Variants in GALNT13 observed in about 807,000 individuals in gnomAD.
GALNT13 encodes the protein polypeptide N-acetylgalactosaminyltransferase 13.
Under a neutral mutation model 64.2 loss-of-function variants are expected in GALNT13, and 28 were observed. That is an observed-to-expected ratio of 0.44 (90% confidence interval 0.32 to 0.60). GALNT13 has a LOEUF of 0.60. GALNT13 is among the 20% of genes least tolerant of loss of function. The pLI is 0.05. For synonymous variants in GALNT13, 214 were observed against 224.6 expected, an observed-to-expected ratio of 0.95 and a Z score of 0.42; for missense variants, 577 against 669.8, an observed-to-expected ratio of 0.86 and a Z score of 1.53.
At chr2:153,179,504 T>C in the GALNT13 span, among the ~76,000 whole-genome samples, 5 of 152,194 alleles carry the variant, frequency 3.3e-5, no homozygotes, top group African/African-American at 1.2e-4. Context: ...AGCTTTCTTC[T>C]TTTTGCTTAT....
chr2:153,567,540 A>G, the GALNT13 span, among the ~76,000 whole-genome samples: 2 of 152,242 alleles, frequency 1.3e-5, no homozygotes, highest in Admixed American at 6.5e-5. Flanking sequence ...GCCATTGTCC[A>G]GAGAAATAGG....
At chr2:153,550,295 C>A in the GALNT13 span, among the ~76,000 whole-genome samples, 1 of 151,050 alleles carries the variant, frequency 6.6e-6, no homozygotes, top group African/African-American at 2.4e-5. Flanking sequence ...AGTGTAGTGG[C>A]ACCATCTCGG....
intron 1 of GALNT13, among the ~76,000 whole-genome samples, chr2:153,898,827 A>AAAGGTAAATTCTTCCTCCAGTTGCACAGC (rs1688042943): frequency 6.6e-6 from 1 of 150,786 alleles, no homozygotes; most frequent in African/African-American, 2.4e-5. Flanking sequence ...TGAGAATAAT[A>AAAGGTAAATTCTTCCTCCAGTTGCACAGC]AAGGTAAATT....
At chr2:153,753,630 G>T in the GALNT13 span, among the ~76,000 whole-genome samples, 1,262 of 152,222 alleles carry the variant, frequency 8.3e-3, 6 homozygotes, top group Non-Finnish European at 0.015. Context: ...TGACCCACCT[G>T]GGGGGTGGAA....
chr2:153,202,205 C>G, the GALNT13 span, among the ~76,000 whole-genome samples: 1 of 151,788 alleles, frequency 6.6e-6, no homozygotes, highest in Admixed American at 6.6e-5. Context: ...AGGATGGTCT[C>G]GATCTCCTGA....
At chr2:154,082,840 A>T (rs1701339316) in intron 3 of GALNT13, among the ~76,000 whole-genome samples, 1 of 151,960 alleles carries the variant, frequency 6.6e-6, no homozygotes, top group African/African-American at 2.4e-5. Context: ...GATTGCAAAA[A>T]TTTCCTCCTA....
chr2:154,052,881 C>T (rs1264643484), intron 3 of GALNT13, among the ~76,000 whole-genome samples: 1 of 151,810 alleles, frequency 6.6e-6, no homozygotes, highest in Admixed American at 6.6e-5. Flanking sequence ...GGACTACAGG[C>T]GCCCGCCACC....
the GALNT13 span, among the ~76,000 whole-genome samples, chr2:153,828,054 A>G: frequency 6.6e-6 from 1 of 152,348 alleles, no homozygotes; most frequent in African/African-American, 2.4e-5. Flanking sequence ...CTGATGCAAG[A>G]GGCAGGTTCC....
chr2:153,767,223 A>G, the GALNT13 span, among the ~76,000 whole-genome samples: 6 of 152,058 alleles, frequency 3.9e-5, no homozygotes, highest in South Asian at 6.2e-4. Flanking sequence ...CTGTTTCTGC[A>G]TTATTTTGCT....
chr2:153,213,471 A>G, the GALNT13 span, among the ~76,000 whole-genome samples: 3 of 152,236 alleles, frequency 2.0e-5, no homozygotes, highest in African/African-American at 2.4e-5. Flanking sequence ...CTGTACAAAC[A>G]TCATTGGGAA....
the GALNT13 span, among the ~76,000 whole-genome samples, chr2:153,440,352 G>T: frequency 4.6e-5 from 7 of 152,146 alleles, no homozygotes; most frequent in African/African-American, 1.7e-4. Context: ...GTCTATCATT[G>T]GTGGGCATTT....
intron 4 of GALNT13, among the ~76,000 whole-genome samples, chr2:154,206,810 A>C (rs1165828654): frequency 6.6e-6 from 1 of 151,900 alleles, no homozygotes; most frequent in Non-Finnish European, 1.5e-5. Flanking sequence ...AAAAAAAAAA[A>C]ACAGGAAGGG....
At chr2:153,605,857 G>A in the GALNT13 span, among the ~76,000 whole-genome samples, 2 of 152,092 alleles carry the variant, frequency 1.3e-5, no homozygotes. Context: ...AAGCTCAGAA[G>A]AGAATAGGGA....
intron 3 of GALNT13, among the ~76,000 whole-genome samples, chr2:154,026,749 C>G (rs748248193): frequency 2.0e-5 from 3 of 152,094 alleles, no homozygotes; most frequent in Non-Finnish European, 4.4e-5. Context: ...CAAATACATT[C>G]AAAATGTTTA....
At chr2:154,334,155 TA>T (rs1219645138) in intron 9 of GALNT13, among the ~76,000 whole-genome samples, 1 of 151,948 alleles carries the variant, frequency 6.6e-6, no homozygotes, top group African/African-American at 2.4e-5. Flanking sequence ...AAAATACCCA[TA>T]AGATTTTCTT....
the GALNT13 span, among the ~76,000 whole-genome samples, chr2:153,501,192 G>A: frequency 2.0e-5 from 3 of 152,152 alleles, no homozygotes; most frequent in African/African-American, 7.2e-5. Flanking sequence ...TAGCCAAAAT[G>A]ATGACTCAAA....
chr2:154,121,569 T>G (rs1272795185), intron 3 of GALNT13, among the ~76,000 whole-genome samples: 2 of 152,182 alleles, frequency 1.3e-5, no homozygotes, highest in Non-Finnish European at 1.5e-5. Context: ...TTTAATTTTT[T>G]GGTGCTATTG....
At chr2:153,380,414 G>C in the GALNT13 span, among the ~76,000 whole-genome samples, 2 of 152,114 alleles carry the variant, frequency 1.3e-5, no homozygotes, top group African/African-American at 4.8e-5. Flanking sequence ...TGAGACTACA[G>C]TGAGCTATGA....
the GALNT13 span, among the ~76,000 whole-genome samples, chr2:153,359,630 C>CAAAAAAAAAAAAAAAAAAAAAAAAAAAA: frequency 1.0e-4 from 4 of 38,220 alleles, no homozygotes; most frequent in African/African-American, 2.0e-4. Context: ...CAGCTTTCAG[C>CAAAAAAAAAAAAAAAAAAAAAAAAAAAA]AAAAAAAAAA....
Sources: gnomAD v4.1 joint callset for allele counts (sites outside exome capture counted in the v4.1 genomes callset) on GRCh38, gnomAD v4.1.1 for gene constraint, MANE v1.5 for transcripts, NCBI Gene and HGNC (gene_info 2026-07-23, HGNC 2026-07-21) for gene names.